GRID2: variants seen among roughly 807,000 people sequenced by gnomAD.
The protein encoded by GRID2 is glutamate receptor ionotropic, delta-2.
A neutral mutation model predicts 114.8 loss-of-function variants in GRID2; 33 were observed. That is an observed-to-expected ratio of 0.29 (90% confidence interval 0.22 to 0.38). The LOEUF (loss-of-function observed/expected upper bound fraction) is 0.38. Among genes scored for constraint, GRID2 ranks in the 10% least tolerant of loss-of-function variants. The probability of loss-of-function intolerance (pLI) is 1.00; values close to 1 mark genes in which losing one functional copy is unlikely to be tolerated. For missense variants in GRID2, 1,184 were observed against 1,257.7 expected (o/e 0.94, Z 0.89); for synonymous variants, 505 against 449.9 (o/e 1.12, Z -1.55).
intron 2 of GRID2, among the ~76,000 whole-genome samples, chr4:92,854,491 T>C (rs1195631419): frequency 6.6e-6 from 1 of 151,844 alleles, no homozygotes; most frequent in Non-Finnish European, 1.5e-5. Context: ...AATTTAATTA[T>C]ACATGTTTCG....
In GRID2 at chr4:93,265,347, C is replaced by A. The variant is rs568498711; in HGVS notation, c.1245+26857C>A. Reference sequence around the variant, plus strand: ...TAGGAAAGCTTCTCTCCATTTAATTCTTTACTTCCTAATCTCATCAATCTA... The same window carrying A: ...TAGGAAAGCTTCTCTCCATTTAATTATTTACTTCCTAATCTCATCAATCTA... On this transcript the variant is annotated intron_variant, in intron 8 of 15. Coordinates refer to ENST00000282020, the MANE Select transcript of GRID2 (RefSeq NM_001510.4). Among the ~76,000 whole-genome samples, 300 of 152,296 alleles carry A rather than the reference C, an allele frequency of 2.0e-3. 2 individuals are homozygous for A. Among genetic ancestry groups the A allele is most frequent in the African/African-American group, 7.0e-3 (292 of 41,554 alleles).
chr4:93,192,668 A>C (rs1324213499), intron 4 of GRID2, among the ~76,000 whole-genome samples: 1 of 148,086 alleles, frequency 6.8e-6, no homozygotes, highest in Non-Finnish European at 1.5e-5. Flanking sequence ...AATTGCTTGA[A>C]CCTGGGAGGC....
Position 92,722,941 on chromosome 4 carries a change from G to T in GRID2, c.244+132655G>T, listed in dbSNP as rs535606898. Among the ~76,000 whole-genome samples, 26 of 152,174 alleles carry T rather than the reference G, an allele frequency of 1.7e-4. No individual in the cohort carries two copies. In the East Asian group the frequency reaches 5.0e-3, roughly 29 times the overall value. On this transcript the variant is annotated intron_variant, in intron 2 of 15. Transcript: ENST00000282020. ...TGTATATTCAAATCCTAAATCTTTT[G>T]TGAATTGTTAAAGTAACTATTAAAA...
chr4:93,158,774 C>A (rs1387956055), intron 4 of GRID2, among the ~76,000 whole-genome samples: 1 of 151,362 alleles, frequency 6.6e-6, no homozygotes, highest in Non-Finnish European at 1.5e-5. Flanking sequence ...AAGTGGGAAA[C>A]CTAAGTCTGT....
chr4:92,477,599 T>C (rs925186314), intron 1 of GRID2, among the ~76,000 whole-genome samples: 2 of 151,696 alleles, frequency 1.3e-5, no homozygotes, highest in African/African-American at 4.8e-5. Context: ...CATAAATCTA[T>C]TTTGGCTGCT....
At chr4:92,982,115 A>G (rs1360942001) in intron 2 of GRID2, among the ~76,000 whole-genome samples, 1 of 151,122 alleles carries the variant, frequency 6.6e-6, no homozygotes, top group Non-Finnish European at 1.5e-5. Flanking sequence ...TCTCATTTTT[A>G]CTCCCCTACT....
chr4:93,142,261 T>C (rs1291722324), intron 4 of GRID2, among the ~76,000 whole-genome samples: 2 of 152,174 alleles, frequency 1.3e-5, no homozygotes, highest in African/African-American at 4.8e-5. Context: ...CCCTATTGTT[T>C]CATTGAGAGA....
At chr4:92,429,235 A>G (rs1579343607) in intron 1 of GRID2, among the ~76,000 whole-genome samples, 1 of 152,198 alleles carries the variant, frequency 6.6e-6, no homozygotes, top group Non-Finnish European at 1.5e-5. Flanking sequence ...TGCAGTGTCC[A>G]TTATTTCATT....
chr4:93,457,748 T>A (rs1723341533), intron 11 of GRID2, among the ~76,000 whole-genome samples: 1 of 152,066 alleles, frequency 6.6e-6, no homozygotes, highest in African/African-American at 2.4e-5. Context: ...AGATAAAGTT[T>A]TATCCTAGGT....
chr4:92,586,907 G>A (rs1248601583), intron 1 of GRID2, among the ~76,000 whole-genome samples: 1 of 151,938 alleles, frequency 6.6e-6, no homozygotes, highest in Non-Finnish European at 1.5e-5. Flanking sequence ...CAGTATGTTT[G>A]TATAAGGATT....
At chr4:92,437,889 T>A (rs1732816666) in intron 1 of GRID2, among the ~76,000 whole-genome samples, 1 of 152,200 alleles carries the variant, frequency 6.6e-6, no homozygotes, top group South Asian at 2.1e-4. Context: ...TTAAAATGAT[T>A]TATATCTCAG....
chr4:93,258,708 A>G (rs1749904056), intron 8 of GRID2, among the ~76,000 whole-genome samples: 1 of 151,840 alleles, frequency 6.6e-6, no homozygotes, highest in African/African-American at 2.4e-5. Flanking sequence ...CAGTGCCATA[A>G]CTAATATTAA....
intron 5 of GRID2, among the ~76,000 whole-genome samples, chr4:93,212,686 T>C (rs901482765): frequency 6.6e-5 from 10 of 152,188 alleles, no homozygotes; most frequent in African/African-American, 2.4e-4. Context: ...GGCTTTTTAC[T>C]TAATTTGAAT....
rs574997072 is a variant in GRID2, at chr4:93,314,071, A to G, written c.1245+75581A>G. 1.8e-3 allele frequency among the ~76,000 whole-genome samples: 271 copies of G among 152,192 alleles called. 2 individuals carry two copies. Among genetic ancestry groups the G allele is most frequent in the African/African-American group, 6.1e-3 (253 of 41,560 alleles). ...TGTAATCCCAGCAATTTGGGAGGCC[A>G]AGGCGGGCGGATCACCTGAGGTCAG... On this transcript the variant is annotated intron_variant, in intron 8 of 15. Transcript: ENST00000282020.
chr4:92,971,407 T>C (rs1341586713), intron 2 of GRID2, among the ~76,000 whole-genome samples: 2 of 152,010 alleles, frequency 1.3e-5, no homozygotes, highest in African/African-American at 4.8e-5. Flanking sequence ...TGCTAGTTTT[T>C]TTCCTTTTAT....
intron 2 of GRID2, among the ~76,000 whole-genome samples, chr4:92,803,873 G>T (rs1740288130): frequency 6.6e-6 from 1 of 152,012 alleles, no homozygotes; most frequent in Non-Finnish European, 1.5e-5. Context: ...GAGGCAAGAA[G>T]TCTGAAATCA....
At chr4:92,533,203 T>TGGG (rs1725436506) in intron 1 of GRID2, among the ~76,000 whole-genome samples, 3 of 144,438 alleles carry the variant, frequency 2.1e-5, no homozygotes, top group East Asian at 2.0e-4. Context: ...TTTTTTTTGT[T>TGGG]TTTTTTTTGA....
intron 10 of GRID2, among the ~76,000 whole-genome samples, chr4:93,440,124 T>G (rs958793193): frequency 6.6e-6 from 1 of 151,904 alleles, no homozygotes; most frequent in African/African-American, 2.4e-5. Flanking sequence ...TGAAGAAGGG[T>G]TCTCAGCTGG....
At chr4:92,928,502 A>G (rs182347962) in intron 2 of GRID2, among the ~76,000 whole-genome samples, 123 of 151,660 alleles carry the variant, frequency 8.1e-4, no homozygotes, top group Non-Finnish European at 1.5e-3. Flanking sequence ...ACTATAAAGT[A>G]TACAGTGAAT....
Sources: allele counts gnomAD v4.1 joint callset (sites outside exome capture counted in the v4.1 genomes callset), GRCh38; gene constraint gnomAD v4.1.1; transcripts MANE v1.5; gene names NCBI Gene and HGNC (gene_info 2026-07-23, HGNC 2026-07-21).